Variants in ARHGAP24 observed in about 807,000 individuals in gnomAD.
ARHGAP24 encodes rho GTPase-activating protein 24.
A neutral mutation model predicts 76.4 loss-of-function variants in ARHGAP24; 50 were observed. The observed-to-expected ratio is 0.65, with a 90% CI of 0.52 to 0.83. ARHGAP24 has a LOEUF of 0.83. Ranked by LOEUF, ARHGAP24 falls within the 40% of genes least tolerant of loss-of-function variation. ARHGAP24 has a pLI of 0.00. For missense variants in ARHGAP24, 930 were observed against 914.2 expected, an observed-to-expected ratio of 1.02 and a Z score of -0.22; for synonymous variants, 345 against 323.3, an observed-to-expected ratio of 1.07 and a Z score of -0.72.
intron 3 of ARHGAP24, among the ~76,000 whole-genome samples, chr4:85,724,803 A>G (rs1238430488): frequency 2.6e-5 from 4 of 152,108 alleles, no homozygotes; most frequent in African/African-American, 9.7e-5. Context: ...GAATAATGCC[A>G]TGAGTTATAG....
At chr4:85,613,436 T>C (rs1411439988) in intron 2 of ARHGAP24, among the ~76,000 whole-genome samples, 1 of 152,224 alleles carries the variant, frequency 6.6e-6, no homozygotes, top group Non-Finnish European at 1.5e-5. Context: ...TATATATACA[T>C]ATGTACATCA....
chr4:85,486,549 T>A (rs1723056320), intron 1 of ARHGAP24, among the ~76,000 whole-genome samples: 1 of 152,182 alleles, frequency 6.6e-6, no homozygotes, highest in South Asian at 2.1e-4. Flanking sequence ...ATATCTAAGA[T>A]GACAACTGGT....
At chr4:85,572,874 C>CTTT (rs775780758) in intron 2 of ARHGAP24, among the ~76,000 whole-genome samples, 74 of 124,288 alleles carry the variant, frequency 6.0e-4, no homozygotes, top group African/African-American at 8.3e-4. Context: ...TTTTTTCTTT[C>CTTT]TTTTTTTTTT....
chr4:85,673,631 T>C (rs1221286609), intron 2 of ARHGAP24, among the ~76,000 whole-genome samples: 1 of 148,806 alleles, frequency 6.7e-6, no homozygotes, highest in Non-Finnish European at 1.5e-5. Context: ...ATCATTCTAA[T>C]ACAGAATAAC....
At chr4:85,495,203 A>C (rs1723518821) in intron 1 of ARHGAP24, among the ~76,000 whole-genome samples, 1 of 151,942 alleles carries the variant, frequency 6.6e-6, no homozygotes, top group Admixed American at 6.6e-5. Flanking sequence ...GAGTATGAAC[A>C]GTATCTTTAC....
intron 3 of ARHGAP24, among the ~76,000 whole-genome samples, chr4:85,769,244 A>G (rs992539813): frequency 2.0e-5 from 3 of 152,192 alleles, no homozygotes; most frequent in Non-Finnish European, 4.4e-5. Flanking sequence ...GGTGTGATTC[A>G]TCCATTCATT....
At chr4:85,700,983 C>A (rs1454588042) in intron 2 of ARHGAP24, among the ~76,000 whole-genome samples, 1 of 151,906 alleles carries the variant, frequency 6.6e-6, no homozygotes, top group Non-Finnish European at 1.5e-5. Context: ...GAAATCCTTC[C>A]CCTTGGAAAT....
At chr4:85,476,450 CATT>C (rs57577827) in intron 1 of ARHGAP24, among the ~76,000 whole-genome samples, 2,156 of 152,190 alleles carry the variant, frequency 0.014, 55 homozygotes, top group African/African-American at 0.049. Context: ...TCCACGGCAT[CATT>C]GTTTCATCTC....
chr4:86,000,609 G>T lies in ARHGAP24; in HGVS notation c.2134G>T (p.Glu712Ter). 6.2e-7 allele frequency: 1 copy of T among 1,613,960 alleles called. No homozygotes were observed. The highest frequency in any genetic ancestry group is 1.1e-5 in the South Asian group (1 of 91,056). The change falls in exon 10 of 10, where the codon GAG becomes TAG. Residue 712 changes from glutamate to a stop codon, truncating the protein, a stop_gained. Transcript: ENST00000395184. LOFTEE classifies it high-confidence loss of function. The part of the protein sequence containing the change: ...RNAERAKEDA[E>*]KRNDMLQKEM... ...TGCCGAGCGAGCAAAAGAAGATGCC[G>T]AGAAAAGAAATGACATGCTACAGAA...
intron 2 of ARHGAP24, among the ~76,000 whole-genome samples, chr4:85,637,891 G>C (rs368953774): frequency 6.6e-6 from 1 of 152,004 alleles, no homozygotes; most frequent in Admixed American, 6.6e-5. Flanking sequence ...TAACACAGGA[G>C]ATAATTGCTC....
intron 3 of ARHGAP24, among the ~76,000 whole-genome samples, chr4:85,801,753 C>T (rs1484388731): frequency 6.6e-6 from 1 of 152,228 alleles, no homozygotes; most frequent in Non-Finnish European, 1.5e-5. Context: ...GGAAGTGAGC[C>T]GGCCATCTCA....
chr4:85,735,542 T>TTTAGGA (rs1280329083), intron 3 of ARHGAP24, among the ~76,000 whole-genome samples: 1 of 152,208 alleles, frequency 6.6e-6, no homozygotes, highest in Non-Finnish European at 1.5e-5. Context: ...TACACATTCT[T>TTTAGGA]CATTTGGCTT....
At chr4:85,502,088 G>A (rs1257329753) in intron 1 of ARHGAP24, among the ~76,000 whole-genome samples, 2 of 152,128 alleles carry the variant, frequency 1.3e-5, no homozygotes, top group Non-Finnish European at 2.9e-5. Context: ...CTATATCTCT[G>A]TTTTGGTACC....
chr4:85,849,814 G>A (rs1731115015), intron 3 of ARHGAP24, among the ~76,000 whole-genome samples: 1 of 152,186 alleles, frequency 6.6e-6, no homozygotes. Context: ...GATCTTGGTG[G>A]AGAAGCTTTT....
Position 85,540,949 on chromosome 4 carries a change from T to C in ARHGAP24, c.-20-29573T>C, listed in dbSNP as rs748483597. Among the ~76,000 whole-genome samples, 42 of 152,214 alleles carry C rather than the reference T, an allele frequency of 2.8e-4. 1 individual carries two copies. The Middle Eastern group carries it at 0.01, about 37-fold the overall frequency. On this transcript the variant is annotated intron_variant, in intron 1 of 9. Coordinates refer to ENST00000395184, the MANE Select transcript of ARHGAP24 (RefSeq NM_001025616.3). ...AGGGAAGGTTTGTTACTGTGCAGTT[T>C]ACTAAAGATAATGTGTCCCTCTGGG...
At chr4:85,843,511 TATAA>T (rs1476037246) in intron 3 of ARHGAP24, among the ~76,000 whole-genome samples, 10 of 151,840 alleles carry the variant, frequency 6.6e-5, no homozygotes, top group African/African-American at 1.9e-4. Flanking sequence ...AATTAAATAA[TATAA>T]ATAATGTATC....
chr4:85,953,117 G>A (rs1430773165), intron 5 of ARHGAP24, among the ~76,000 whole-genome samples: 3 of 152,116 alleles, frequency 2.0e-5, no homozygotes, highest in African/African-American at 7.2e-5. Context: ...CTGGGCAACA[G>A]AATACGCTCT....
chr4:85,559,804 T>C (rs996385181), intron 1 of ARHGAP24, among the ~76,000 whole-genome samples: 8 of 152,326 alleles, frequency 5.3e-5, no homozygotes, highest in Admixed American at 3.9e-4. Flanking sequence ...GGCCATATGA[T>C]GAAATGATAG....
chr4:85,501,825 G>GT (rs569405902), intron 1 of ARHGAP24, among the ~76,000 whole-genome samples: 365 of 151,286 alleles, frequency 2.4e-3, no homozygotes, highest in Non-Finnish European at 4.2e-3. Flanking sequence ...GTATTGCCTA[G>GT]TTTTTTTTTC....
Sources: allele counts gnomAD v4.1 joint callset (sites outside exome capture counted in the v4.1 genomes callset), GRCh38; gene constraint gnomAD v4.1.1; transcripts MANE v1.5; gene names NCBI Gene and HGNC (gene_info 2026-07-23, HGNC 2026-07-21).